The following DMRT1 variants were observed in gnomAD, a reference collection of about 807,000 sequenced individuals.
DMRT1 encodes the protein doublesex- and mab-3-related transcription factor 1.
DMRT1 carries 7 observed loss-of-function variants against 32.3 expected under a neutral mutation model. The observed-to-expected ratio is 0.22, with a 90% CI of 0.12 to 0.41. DMRT1 has a LOEUF of 0.41. DMRT1 is among the 10% of genes least tolerant of loss of function. DMRT1 has a pLI of 1.00. For synonymous variants in DMRT1, 278 were observed against 206.1 expected, an observed-to-expected ratio of 1.35 and a Z score of -2.99; for missense variants, 625 against 500.5, an observed-to-expected ratio of 1.25 and a Z score of -2.37.
chr9:891,872 A>T (rs1817165429), intron 2 of DMRT1, among the ~76,000 whole-genome samples: 1 of 152,176 alleles, frequency 6.6e-6, no homozygotes, highest in African/African-American at 2.4e-5. Flanking sequence ...AGCTACTTGA[A>T]AAATGATTAT....
chr9:943,278 ATC>A (rs1819136132), intron 4 of DMRT1, among the ~76,000 whole-genome samples: 1 of 152,212 alleles, frequency 6.6e-6, no homozygotes, highest in Non-Finnish European at 1.5e-5. Context: ...ATCGGCCCTT[ATC>A]TCTCAATGAG....
At chr9:948,235 C>T (rs990156099) in intron 4 of DMRT1, among the ~76,000 whole-genome samples, 1 of 152,098 alleles carries the variant, frequency 6.6e-6, no homozygotes, top group Non-Finnish European at 1.5e-5. Flanking sequence ...CTCAGGCCCG[C>T]CCCTCCTCCC....
At chr9:858,870 AATATATAT>A (rs139337855) in intron 2 of DMRT1, among the ~76,000 whole-genome samples, 29 of 48,072 alleles carry the variant, frequency 6.0e-4, no homozygotes, top group African/African-American at 1.9e-3. Context: ...AAAAAAAAAA[AATATATAT>A]ATATATATAT....
At chr9:874,453 T>C (rs889746228) in intron 2 of DMRT1, among the ~76,000 whole-genome samples, 3 of 152,222 alleles carry the variant, frequency 2.0e-5, no homozygotes, top group African/African-American at 7.2e-5. Context: ...TATATAAGTT[T>C]ATTTTACACA....
intron 2 of DMRT1, among the ~76,000 whole-genome samples, chr9:874,579 C>T (rs951883355): frequency 1.3e-5 from 2 of 152,152 alleles, no homozygotes; most frequent in Admixed American, 1.3e-4. Flanking sequence ...CTCCCTGCTC[C>T]TAGTTAGAAA....
intron 2 of DMRT1, among the ~76,000 whole-genome samples, chr9:849,756 G>A (rs1055804902): frequency 6.6e-6 from 1 of 151,906 alleles, no homozygotes; most frequent in Non-Finnish European, 1.5e-5. Context: ...GTGCTCATTT[G>A]CTCAGGCACA....
At chr9:900,933 C>T (rs1472998793) in intron 3 of DMRT1, among the ~76,000 whole-genome samples, 1 of 151,960 alleles carries the variant, frequency 6.6e-6, no homozygotes, top group Non-Finnish European at 1.5e-5. Flanking sequence ...CTCAAGTGAG[C>T]CTCCTGCCTC....
intron 2 of DMRT1, among the ~76,000 whole-genome samples, chr9:885,029 C>G (rs978827626): frequency 1.3e-5 from 2 of 152,194 alleles, no homozygotes; most frequent in Non-Finnish European, 2.9e-5. Context: ...AACAGCAGAT[C>G]TGAAATGGGA....
intron 3 of DMRT1, among the ~76,000 whole-genome samples, chr9:895,823 T>G: frequency 6.9e-6 from 1 of 145,298 alleles, no homozygotes; most frequent in East Asian, 1.9e-4. Context: ...TTTTTTTTTT[T>G]GAGAGGGAGT....
In DMRT1 at chr9:877,624, G is replaced by GC. The variant is rs1227351875; in HGVS notation, c.539-16287dup. On this transcript the variant is annotated intron_variant, in intron 2 of 4. Coordinates refer to ENST00000382276, the MANE Select transcript of DMRT1 (RefSeq NM_021951.3). The stretch of plus-strand genomic sequence containing the variant: ...TCCTCCTCCCATTCCAAAAAAAGAA[G>GC]CTAAATATGGAATTGTATATATTGA... Among the ~76,000 whole-genome samples, 4 of 152,144 alleles carry GC rather than the reference G, an allele frequency of 2.6e-5. No individual in the cohort carries two copies. In the East Asian group the frequency reaches 7.7e-4, roughly 29 times the overall value.
chr9:907,362 A>G (rs1205732242), intron 3 of DMRT1, among the ~76,000 whole-genome samples: 1 of 152,148 alleles, frequency 6.6e-6, no homozygotes, highest in Non-Finnish European at 1.5e-5. Context: ...TGTGAACTAG[A>G]CAAATGTAGG....
intron 4 of DMRT1, among the ~76,000 whole-genome samples, chr9:919,973 C>T (rs572810281): frequency 1.3e-5 from 2 of 152,224 alleles, no homozygotes; most frequent in African/African-American, 4.8e-5. Context: ...GTACACTCCT[C>T]GAAGATAATT....
At chr9:905,081 C>A (rs1817720969) in intron 3 of DMRT1, among the ~76,000 whole-genome samples, 1 of 152,210 alleles carries the variant, frequency 6.6e-6, no homozygotes, top group Non-Finnish European at 1.5e-5. Flanking sequence ...TGTTTGATCA[C>A]AACTATTGTT....
intron 3 of DMRT1, among the ~76,000 whole-genome samples, chr9:913,087 T>C (rs558762363): frequency 2.0e-5 from 3 of 152,324 alleles, no homozygotes; most frequent in East Asian, 3.9e-4. Flanking sequence ...AGACTCATGA[T>C]CAACATTTTT....
At chr9:864,501 T>C (rs1423316638) in intron 2 of DMRT1, among the ~76,000 whole-genome samples, 1 of 101,634 alleles carries the variant, frequency 9.8e-6, no homozygotes, top group Non-Finnish European at 1.7e-5. Context: ...CCAGTACTCT[T>C]TTTTTTTTTT....
intron 1 of DMRT1, among the ~76,000 whole-genome samples, chr9:845,395 A>T (rs1387860691): frequency 6.6e-6 from 1 of 151,692 alleles, no homozygotes; most frequent in African/African-American, 2.4e-5. Context: ...TTTAGTAGAG[A>T]TGGGGTTTCA....
intron 3 of DMRT1, among the ~76,000 whole-genome samples, chr9:895,748 A>G (rs1817329884): frequency 6.6e-6 from 1 of 151,522 alleles, no homozygotes; most frequent in Admixed American, 6.6e-5. Context: ...TATTAAGTAC[A>G]GTCACCATGC....
intron 3 of DMRT1, among the ~76,000 whole-genome samples, chr9:910,319 T>TAAA (rs145633265): frequency 7.0e-6 from 1 of 142,254 alleles, no homozygotes; most frequent in African/African-American, 2.6e-5. Flanking sequence ...ACTTAGAAAT[T>TAAA]AAAAAAAAAA....
At chr9:894,422 G>C (rs531148485) in intron 3 of DMRT1, 4 of 591,098 alleles carry the variant, frequency 6.8e-6, no homozygotes, top group Admixed American at 5.8e-5. Context: ...ATGCCCTTTA[G>C]CCTCAAAGGT....
Sources: gnomAD v4.1 joint callset for allele counts (sites outside exome capture counted in the v4.1 genomes callset) on GRCh38, gnomAD v4.1.1 for gene constraint, MANE v1.5 for transcripts, NCBI Gene and HGNC (gene_info 2026-07-23, HGNC 2026-07-21) for gene names.